TASOR: variants seen among roughly 807,000 people sequenced by gnomAD.
TASOR encodes protein TASOR.
Under a neutral mutation model 178.6 loss-of-function variants are expected in TASOR, and 53 were observed. The observed-to-expected ratio is 0.30, with a 90% CI of 0.24 to 0.37. The LOEUF is 0.37. TASOR is among the 10% of genes least tolerant of loss of function. The pLI is 1.00. For synonymous variants in TASOR, 713 were observed against 696.2 expected (o/e 1.02, Z -0.38); for missense variants, 1,815 against 1,971.4 (o/e 0.92, Z 1.50).
At chr3:56,663,308 GTTTTATT>G in intron 8 of TASOR, among the ~76,000 whole-genome samples, 1 of 152,274 alleles carries the variant, frequency 6.6e-6, no homozygotes, top group Middle Eastern at 3.4e-3. Context: ...TATGAAACCT[GTTTTATT>G]TTTTATCTTT....
chr3:56,665,006 T>G (rs2077675975), intron 7 of TASOR, among the ~76,000 whole-genome samples: 1 of 152,058 alleles, frequency 6.6e-6, no homozygotes, highest in African/African-American at 2.4e-5. Context: ...AAGACCCATT[T>G]CCATGAAAAC....
intron 9 of TASOR, among the ~76,000 whole-genome samples, chr3:56,661,852 T>C (rs892425853): frequency 6.6e-6 from 1 of 152,088 alleles, no homozygotes; most frequent in Non-Finnish European, 1.5e-5. Context: ...AGGCTGGGCG[T>C]GGTAGCTCAC....
chr3:56,653,754 A>G (rs1681928423), intron 11 of TASOR, among the ~76,000 whole-genome samples: 1 of 152,202 alleles, frequency 6.6e-6, no homozygotes, highest in African/African-American at 2.4e-5. Flanking sequence ...ATTAGAAATA[A>G]AAAAGACAAA....
intron 2 of TASOR, 98 bp downstream of exon 2, chr3:56,673,481 GT>G (rs2107634659): frequency 5.5e-6 from 4 of 730,978 alleles, no homozygotes; most frequent in South Asian, 6.6e-5. Flanking sequence ...TTGTAATTTG[GT>G]TTTCCTAAAA....
At chr3:56,677,894 A>G (rs1462306612) in intron 1 of TASOR, among the ~76,000 whole-genome samples, 2 of 152,308 alleles carry the variant, frequency 1.3e-5, no homozygotes, top group East Asian at 1.9e-4. Flanking sequence ...TCTTTCACAC[A>G]TTAAGAAATG....
intron 23 of TASOR, 128 bp from the exon 24 acceptor site, chr3:56,623,694 C>G: frequency 6.5e-7 from 1 of 1,544,424 alleles, no homozygotes; most frequent in South Asian, 1.2e-5. Flanking sequence ...AAAGCTTGGT[C>G]TTCTGCCACA....
chr3:56,651,868 C>T (rs1369886815), intron 11 of TASOR, among the ~76,000 whole-genome samples: 1 of 152,140 alleles, frequency 6.6e-6, no homozygotes, highest in Non-Finnish European at 1.5e-5. Context: ...GAATTAAAAA[C>T]ATTTTCAAGC....
At chr3:56,640,668 T>C (rs1314353280) in intron 15 of TASOR, among the ~76,000 whole-genome samples, 1 of 151,584 alleles carries the variant, frequency 6.6e-6, no homozygotes, top group East Asian at 1.9e-4. Flanking sequence ...CATACAACTT[T>C]TAAACAAAGG....
rs147021164 is a variant in TASOR, at chr3:56,666,637, G to A, written c.898-253C>T. 1.5e-3 allele frequency among the ~76,000 whole-genome samples: 229 copies of A among 152,184 alleles called. 1 individual carries two copies. The highest frequency in any genetic ancestry group is 5.3e-3 in the African/African-American group (222 of 41,526). ...TCCAAAAGTTTACTTCTGAAGAGTTGACCACCGGGAGTTTCCTAATAAAAA... is the reference window on the plus strand; with the variant it reads ...TCCAAAAGTTTACTTCTGAAGAGTTAACCACCGGGAGTTTCCTAATAAAAA... On this transcript the variant is annotated intron_variant, in intron 6 of 23. Coordinates refer to ENST00000683822, the MANE Select transcript of TASOR (RefSeq NM_001365635.2).
At position 56,682,756 on chromosome 3, in the gene TASOR, G is replaced by T. The variant is rs1236357137; in HGVS notation, c.251C>A (p.Ala84Asp). 6.5e-7 allele frequency: 1 copy of T among 1,539,044 alleles called. No homozygotes were observed. Among genetic ancestry groups the T allele is most frequent in the South Asian group, 1.2e-5 (1 of 83,604 alleles). Residue 84 changes from alanine to aspartate, a missense_variant, in exon 1 of 24, where the codon GCC (alanine) becomes GAC (aspartate). By Grantham distance (126) the Ala-to-Asp change is moderately radical. Coordinates refer to ENST00000683822, the MANE Select transcript of TASOR (RefSeq NM_001365635.2). ...PQDSSEAGAA[A>D]LPRGPEEPER... is the part of the protein sequence containing the mutation. Reference sequence around the variant, plus strand: ...GGGCTCTTCGGGGCCTCTGGGCAGGGCGGCCGCGCCCGCCTCAGAGGAGTC... The same window carrying T: ...GGGCTCTTCGGGGCCTCTGGGCAGGTCGGCCGCGCCCGCCTCAGAGGAGTC...
chr3:56,663,485 T>A (rs1284387220), intron 8 of TASOR, 56 bp downstream of exon 8: 1 of 921,358 alleles, frequency 1.1e-6, no homozygotes, highest in Non-Finnish European at 1.5e-6. Flanking sequence ...CTTAATCTTT[T>A]GCTATATGTA....
intron 7 of TASOR, chr3:56,664,125 A>C (rs1426630553): frequency 6.6e-6 from 1 of 152,254 alleles, no homozygotes; most frequent in African/African-American, 2.4e-5. Flanking sequence ...GAGAAACCTC[A>C]ATCATAAGGA....
intron 14 of TASOR, among the ~76,000 whole-genome samples, chr3:56,646,129 G>T (rs1048141031): frequency 6.6e-6 from 1 of 152,122 alleles, no homozygotes; most frequent in African/African-American, 2.4e-5. Context: ...GCCTTGGGGA[G>T]ACATCAAGAC....
rs945732142 is a variant in TASOR, at chr3:56,639,863, C to G, written c.2764+123G>C. On this transcript the variant is annotated intron_variant, in intron 16 of 23. Transcript: ENST00000683822. ...ACTCAAAATAAGACACTGAAGATGT[C>G]AGCACCAATTAAGATGAAGCACCTA... 3.7e-5 allele frequency: 28 copies of G among 765,056 alleles called. No homozygotes were observed. In the African/African-American group the frequency reaches 4.6e-4, roughly 13 times the overall value. 47.4% of individuals were successfully genotyped at this position (765,056 alleles called of 1,614,324 possible). A position where few individuals can be genotyped will look rare whatever the true frequency, so the allele number is the denominator to read the frequency against.
chr3:56,671,349 A>G (rs2030716787), intron 3 of TASOR: 1 of 314,300 alleles, frequency 3.2e-6, no homozygotes, highest in Non-Finnish European at 5.8e-6. Context: ...AGAAAAAAAT[A>G]AATAAATAAA....
At chr3:56,628,845 T>C in intron 18 of TASOR, 1 of 288,616 alleles carries the variant, frequency 3.5e-6, no homozygotes, top group Non-Finnish European at 6.4e-6. Context: ...ACTGCAGCCT[T>C]GACCTCCCAG....
chr3:56,630,362 G>A (rs2076883420), intron 18 of TASOR, among the ~76,000 whole-genome samples: 1 of 152,168 alleles, frequency 6.6e-6, no homozygotes, highest in Non-Finnish European at 1.5e-5. Flanking sequence ...GTCTTTTACT[G>A]TAGTATTTTT....
At chr3:56,667,911 A>G (rs2030230360) in intron 6 of TASOR, among the ~76,000 whole-genome samples, 1 of 152,234 alleles carries the variant, frequency 6.6e-6, no homozygotes, top group Admixed American at 6.5e-5. Context: ...AGGCTTAAAA[A>G]ATAGTTCTAG....
rs754753366 is a variant in TASOR at position 56,623,332 on chromosome 3, G to T, written c.4718C>A (p.Ser1573Tyr). The T allele has an allele frequency of 1.9e-6, 3 of 1,613,404 alleles. No individual in the cohort carries two copies. The highest frequency in any genetic ancestry group is 2.5e-6 in the Non-Finnish European group (3 of 1,179,946). Reference protein sequence around the residue: ...KTYLDSEERTSIDIVCSEGEN... With the variant: ...KTYLDSEERTYIDIVCSEGEN... ...TCCTTCAGAGCATACTATATCAATA[G>T]AAGTTCTCTCTTCAGAATCAAGGTA... Residue 1573 changes from serine to tyrosine, a missense_variant, in exon 24 of 24, where the codon TCT becomes TAT. Transcript: ENST00000683822.
Sources: gnomAD v4.1 joint callset for allele counts (sites outside exome capture counted in the v4.1 genomes callset) on GRCh38, gnomAD v4.1.1 for gene constraint, MANE v1.5 for transcripts, NCBI Gene and HGNC (gene_info 2026-07-23, HGNC 2026-07-21) for gene names.